ANGPT4: variants seen among roughly 807,000 people sequenced by gnomAD.
The protein encoded by ANGPT4 is angiopoietin 4.
In ANGPT4, 50 loss-of-function variants were observed where a neutral mutation model predicts 53.0. The ratio of observed to expected loss-of-function variants is 0.94; its 90% CI spans 0.75 to 1.20. ANGPT4 has a LOEUF of 1.20. Ranked by LOEUF, ANGPT4 falls within the 50% of genes most tolerant of loss-of-function variation. The probability of loss-of-function intolerance (pLI) is 0.00; values close to 1 mark genes in which losing one functional copy is unlikely to be tolerated. For missense variants in ANGPT4, 648 were observed against 637.1 expected (o/e 1.02, Z -0.18); for synonymous variants, 251 against 259.7 (o/e 0.97, Z 0.32).
At chr20:909,548 C>T (rs1370968345) in intron 1 of ANGPT4, among the ~76,000 whole-genome samples, 2 of 152,204 alleles carry the variant, frequency 1.3e-5, no homozygotes, top group Non-Finnish European at 2.9e-5. Flanking sequence ...ACCGTGAATC[C>T]TGGAGTCTTG....
intron 8 of ANGPT4, 66 bp downstream of exon 8, chr20:874,218 G>A (rs1981066196): frequency 1.3e-6 from 2 of 1,594,378 alleles, no homozygotes; most frequent in African/African-American, 1.3e-5. Flanking sequence ...AACCTGGGGA[G>A]GGAATGGGAG....
Position 881,287 on chromosome 20 carries a change from C to G in ANGPT4, c.836-1G>C, listed in dbSNP as rs747219845. 2.5e-6 allele frequency: 4 copies of G among 1,614,028 alleles called. No individual in the cohort carries two copies. Among genetic ancestry groups the G allele is most frequent in the Non-Finnish European group, 3.4e-6 (4 of 1,179,876 alleles). On this transcript the variant is annotated splice_acceptor_variant, in intron 4 of 8. Transcript: ENST00000381922. LOFTEE classifies it high-confidence loss of function. ...ACCTGCTCACCTGCCATTATGAAGG[C>G]TGCAAAGGGACAACACAAAAGTCAG...
intron 1 of ANGPT4, among the ~76,000 whole-genome samples, chr20:903,798 G>C (rs142542820): frequency 1.3e-5 from 2 of 152,142 alleles, no homozygotes; most frequent in South Asian, 4.1e-4. Context: ...CCGGCCTGAC[G>C]GTAAAAGGAA....
chr20:912,021 C>T (rs1742782180), intron 1 of ANGPT4, among the ~76,000 whole-genome samples: 1 of 152,076 alleles, frequency 6.6e-6, no homozygotes, highest in South Asian at 2.1e-4. Context: ...TCAGCCCTGC[C>T]TCTGGGAGCT....
At chr20:882,898 C>G (rs1292641300) in intron 4 of ANGPT4, among the ~76,000 whole-genome samples, 1 of 152,120 alleles carries the variant, frequency 6.6e-6, no homozygotes, top group Non-Finnish European at 1.5e-5. Context: ...AGTTTGGGGC[C>G]AGGAAAAATA....
At chr20:905,709 C>T (rs1982452051) in intron 1 of ANGPT4, among the ~76,000 whole-genome samples, 1 of 152,190 alleles carries the variant, frequency 6.6e-6, no homozygotes, top group South Asian at 2.1e-4. Context: ...TCATTTCCTT[C>T]CTCCAACCAA....
At position 906,869 on chromosome 20, in the gene ANGPT4, G is replaced by A. The variant is rs897930354; in HGVS notation, c.309+9037C>T. 5.3e-5 allele frequency among the ~76,000 whole-genome samples: 8 copies of A among 152,250 alleles called. No individual in the cohort carries two copies. The South Asian group carries it at 6.2e-4, about 12-fold the overall frequency. On this transcript the variant is annotated intron_variant, in intron 1 of 8. Transcript: ENST00000381922. ...ACAGCCAGTGGGCTGAGAGCCAGGGGTAGAGAGACTTGGGGACCAACGGGC... is the reference window on the plus strand; with the variant it reads ...ACAGCCAGTGGGCTGAGAGCCAGGGATAGAGAGACTTGGGGACCAACGGGC...
Position 879,856 on chromosome 20 carries a change from G to T in ANGPT4, c.952-8C>A, listed in dbSNP as rs1600043903. The T allele has an allele frequency of 6.2e-7, 1 of 1,607,904 alleles. No homozygotes were observed. The highest frequency in any genetic ancestry group is 8.5e-7 in the Non-Finnish European group (1 of 1,176,398). On this transcript the variant is annotated splice_region_variant and splice_polypyrimidine_tract_variant and intron_variant, in intron 5 of 8. Transcript: ENST00000381922. ...CTGCAGGTCACAGAACACCTGGAGG[G>T]GGTGGGCAAGGCACAGCTGGGAGCC...
At position 915,318 on chromosome 20, in the gene ANGPT4, C is replaced by T. The variant is rs536247069; in HGVS notation, c.309+588G>A. The stretch of plus-strand genomic sequence containing the variant: ...CCTCTGCTCCAGCTACACAGGCCTT[C>T]GCCCCATGGTTCTCCAGGCACACAC... On this transcript the variant is annotated intron_variant, in intron 1 of 8. Transcript: ENST00000381922. Among the ~76,000 whole-genome samples, 12 of 152,154 alleles carry T rather than the reference C, an allele frequency of 7.9e-5. No individual in the cohort carries two copies. The East Asian group carries it at 2.1e-3, about 27-fold the overall frequency.
intron 3 of ANGPT4, among the ~76,000 whole-genome samples, chr20:886,763 G>C (rs1981633754): frequency 6.6e-6 from 1 of 152,306 alleles, no homozygotes; most frequent in Admixed American, 6.5e-5. Context: ...GGTTGTATGG[G>C]TACTCAAAGT....
At position 879,259 on chromosome 20, in the gene ANGPT4, C is replaced by CT. The variant is rs376810737; in HGVS notation, c.1053+487_1053+488insA. Among the ~76,000 whole-genome samples the CT allele has an allele frequency of 5.9e-3, 891 of 152,078 alleles. 9 individuals are homozygous for CT. Among genetic ancestry groups the CT allele is most frequent in the African/African-American group, 0.02 (826 of 41,498 alleles). ...TTTTAAGTATTTTAAGTCAGCTTGG[C>CT]AAAAAATCCTTTATTCAAAACCTAA... is the stretch of plus-strand genomic sequence containing the variant. On this transcript the variant is annotated intron_variant, in intron 6 of 8. Coordinates refer to ENST00000381922, the MANE Select transcript of ANGPT4 (RefSeq NM_015985.4).
chr20:881,165 C>G lies in ANGPT4; in HGVS notation c.951+6G>C. 1 of 1,572,300 alleles carries G rather than the reference C, an allele frequency of 6.4e-7. No homozygotes were observed. The highest frequency in any genetic ancestry group is 1.4e-5 in the African/African-American group (1 of 73,854). Reference sequence around the variant, plus strand: ...AACAGCCACAGTTCCCAGGGAGCCCCCTAACCTTCCTGGGCTTCGTTGCAT... The same window carrying G: ...AACAGCCACAGTTCCCAGGGAGCCCGCTAACCTTCCTGGGCTTCGTTGCAT... On this transcript the variant is annotated splice_donor_region_variant and intron_variant, in intron 5 of 8. Transcript: ENST00000381922.
intron 1 of ANGPT4, among the ~76,000 whole-genome samples, chr20:895,264 G>A (rs1357893695): frequency 6.6e-6 from 1 of 152,166 alleles, no homozygotes; most frequent in African/African-American, 2.4e-5. Context: ...ATCACTCTCA[G>A]GCTGCCGAAT....
At chr20:894,042 A>G (rs1238548374) in intron 1 of ANGPT4, among the ~76,000 whole-genome samples, 1 of 151,852 alleles carries the variant, frequency 6.6e-6, no homozygotes, top group Non-Finnish European at 1.5e-5. Context: ...GAGCTCCCAT[A>G]CAAAGGGAGG....
At chr20:915,778 C>T in intron 1 of ANGPT4, 128 bp downstream of exon 1, 1 of 1,211,722 alleles carries the variant, frequency 8.3e-7, no homozygotes, top group Non-Finnish European at 1.1e-6. Flanking sequence ...CACCCCTGCC[C>T]CTCTTTGTGC....
intron 8 of ANGPT4, among the ~76,000 whole-genome samples, chr20:874,006 C>T (rs1357877975): frequency 6.6e-6 from 1 of 152,156 alleles, no homozygotes; most frequent in Non-Finnish European, 1.5e-5. Context: ...GGGTGCCTCC[C>T]CCCCGGGGCC....
At chr20:884,421 C>T (rs1333711024) in intron 4 of ANGPT4, among the ~76,000 whole-genome samples, 1 of 152,254 alleles carries the variant, frequency 6.6e-6, no homozygotes, top group Non-Finnish European at 1.5e-5. Context: ...GCACCCAGCA[C>T]TGGGCCTGCC....
chr20:903,360 G>C (rs1044767349), intron 1 of ANGPT4, among the ~76,000 whole-genome samples: 4 of 152,058 alleles, frequency 2.6e-5, no homozygotes, highest in Non-Finnish European at 5.9e-5. Flanking sequence ...CTCTACCCTC[G>C]GGCGCATGCA....
Position 914,338 on chromosome 20 carries a change from A to G in ANGPT4, c.309+1568T>C, listed in dbSNP as rs943529061. On this transcript the variant is annotated intron_variant, in intron 1 of 8. Coordinates refer to ENST00000381922, the MANE Select transcript of ANGPT4 (RefSeq NM_015985.4). This position sits in a 1 kb window ranked among gnomAD's most constrained non-coding sequence, Gnocchi z 5.0. Reference sequence around the variant, plus strand: ...GTGGTTATTTCGTACGGGGAGGACAAGGAGGGCCTCTGGGGAGATGGCGCT... The same window carrying G: ...GTGGTTATTTCGTACGGGGAGGACAGGGAGGGCCTCTGGGGAGATGGCGCT... 6.6e-6 allele frequency among the ~76,000 whole-genome samples: 1 copy of G among 152,130 alleles called. No individual in the cohort carries two copies. The highest frequency in any genetic ancestry group is 2.4e-5 in the African/African-American group (1 of 41,432).
Sources: gnomAD v4.1 joint callset for allele counts (sites outside exome capture counted in the v4.1 genomes callset) on GRCh38, gnomAD v4.1.1 for gene constraint, Gnocchi (gnomAD v3.1) non-coding constraint, MANE v1.5 for transcripts, NCBI Gene and HGNC (gene_info 2026-07-23, HGNC 2026-07-21) for gene names.